TCERG1L: variants seen among roughly 807,000 people sequenced by gnomAD.
TCERG1L encodes transcription elongation regulator 1 like.
TCERG1L carries 37 observed loss-of-function variants against 56.3 expected under a neutral mutation model. The observed-to-expected ratio is 0.66, with a 90% CI of 0.51 to 0.87. The LOEUF (loss-of-function observed/expected upper bound fraction) is 0.87, where lower values mean the gene tolerates loss of function less well. Among genes scored for constraint, TCERG1L ranks in the 40% least tolerant of loss-of-function variants. The pLI, the probability that TCERG1L is intolerant of heterozygous loss-of-function variation, is 0.00. For missense variants in TCERG1L, 799 were observed against 774.2 expected (o/e 1.03, Z -0.38); for synonymous variants, 324 against 326.3 (o/e 0.99, Z 0.08).
intron 4 of TCERG1L, among the ~76,000 whole-genome samples, chr10:131,183,186 T>G (rs1736420969): frequency 6.6e-6 from 1 of 152,206 alleles, no homozygotes; most frequent in Non-Finnish European, 1.5e-5. Flanking sequence ...CTATGTTCTA[T>G]TTGGCACTAC....
Position 131,254,302 on chromosome 10 carries a change from A to AATATATATATATATATATATATATATAT in TCERG1L, c.856+5956_856+5957insATATATATATATATATATATATATATAT, listed in dbSNP as rs57689050. 2.6e-3 allele frequency among the ~76,000 whole-genome samples: 375 copies of AATATATATATATATATATATATATATAT among 142,490 alleles called. 2 individuals carry two copies. Among genetic ancestry groups the AATATATATATATATATATATATATATAT allele is most frequent in the African/African-American group, 8.7e-3 (324 of 37,454 alleles). 93.5% of individuals were successfully genotyped at this position (142,490 alleles called of 152,430 possible). On this transcript the variant is annotated intron_variant, in intron 4 of 11. Coordinates refer to ENST00000368642, the MANE Select transcript of TCERG1L (RefSeq NM_174937.4). ...CCAGAGCAGGCAATCACTGGATTTA[A>AATATATATATATATATATATATATATAT]ATATATATATATATATATAGTAAGT... is the stretch of plus-strand genomic sequence containing the variant.
At chr10:131,283,872 C>T (rs1447574385) in intron 3 of TCERG1L, among the ~76,000 whole-genome samples, 2 of 152,070 alleles carry the variant, frequency 1.3e-5, no homozygotes, top group Admixed American at 6.6e-5. Flanking sequence ...CAGTGGCTCC[C>T]ATCACTTTGT....
At chr10:131,230,111 A>G (rs1845833015) in intron 4 of TCERG1L, among the ~76,000 whole-genome samples, 1 of 152,206 alleles carries the variant, frequency 6.6e-6, no homozygotes, top group African/African-American at 2.4e-5. Flanking sequence ...TTTCCCCTGC[A>G]GCCTCCCAGA....
chr10:131,174,779 C>T (rs894683892), intron 4 of TCERG1L, among the ~76,000 whole-genome samples: 4 of 152,152 alleles, frequency 2.6e-5, no homozygotes, highest in Admixed American at 2.6e-4. Context: ...AGAACCAGAG[C>T]GTGGCTTCCT....
chr10:131,306,977 T>C (rs189665549), intron 3 of TCERG1L, among the ~76,000 whole-genome samples: 2 of 152,094 alleles, frequency 1.3e-5, no homozygotes, highest in African/African-American at 4.8e-5. Flanking sequence ...GATTTCACCA[T>C]TTTTTAAACT....
At chr10:131,271,324 G>A (rs570153301) in intron 3 of TCERG1L, among the ~76,000 whole-genome samples, 7 of 152,348 alleles carry the variant, frequency 4.6e-5, no homozygotes, top group South Asian at 2.1e-4. Flanking sequence ...ACACCCACAC[G>A]CAGCTGGGCG....
At chr10:131,236,850 T>C (rs1260174700) in intron 4 of TCERG1L, among the ~76,000 whole-genome samples, 1 of 151,912 alleles carries the variant, frequency 6.6e-6, no homozygotes, top group African/African-American at 2.4e-5. Context: ...TCTAGGTGCT[T>C]TCTGAGAATG....
rs1846903775 is a variant in TCERG1L, at chr10:131,311,669, CG to C, written c.-35del. 2 of 1,061,706 alleles carry C rather than the reference CG, an allele frequency of 1.9e-6. No individual in the cohort carries two copies. Among genetic ancestry groups the C allele is most frequent in the African/African-American group, 3.4e-5 (2 of 58,928 alleles). 65.8% of individuals were successfully genotyped at this position (1,061,706 alleles called of 1,614,324 possible). ...CCCGCGCTGACGGCGGCGGCGGGGG[CG>C]GCGGGCGCCCGAGATGCTGGGCCGG... On this transcript the variant is annotated 5_prime_UTR_variant, in exon 1 of 12. Coordinates refer to ENST00000368642, the MANE Select transcript of TCERG1L (RefSeq NM_174937.4). The surrounding 1 kb of genome is among the most constrained non-coding windows in gnomAD (Gnocchi z 4.0).
intron 9 of TCERG1L, among the ~76,000 whole-genome samples, chr10:131,105,947 T>C (rs1454140526): frequency 6.6e-6 from 1 of 152,176 alleles, no homozygotes; most frequent in African/African-American, 2.4e-5. Context: ...GGCATCTCCT[T>C]AATTTCTGCT....
At chr10:131,295,161 T>C (rs771430024) in intron 3 of TCERG1L, among the ~76,000 whole-genome samples, 1 of 152,248 alleles carries the variant, frequency 6.6e-6, no homozygotes, top group Non-Finnish European at 1.5e-5. Context: ...AAGAAGTGTG[T>C]TCCTTGTTAT....
intron 4 of TCERG1L, among the ~76,000 whole-genome samples, chr10:131,180,732 A>G (rs1238050590): frequency 6.6e-6 from 1 of 152,194 alleles, no homozygotes; most frequent in Admixed American, 6.5e-5. Flanking sequence ...ACCTCAAAAT[A>G]CCTTTTAATA....
At chr10:131,158,285 C>T (rs1015159525) in intron 6 of TCERG1L, among the ~76,000 whole-genome samples, 2 of 152,174 alleles carry the variant, frequency 1.3e-5, no homozygotes, top group African/African-American at 4.8e-5. Context: ...TTCCCAAGAG[C>T]AGGTGCATAT....
Position 131,308,266 on chromosome 10 carries a change from C to A in TCERG1L, c.615G>T (p.Pro205=). ...ANQVAVSLSR[P]APASRPLPTV... is the part of the protein sequence containing the mutation. ...TGGGGAGCGGCCTGGAGGCAGGAGC[C>A]GGCCTGGACAGAGACACAGCTACTT... The change falls in exon 3 of 12, where the codon CCG becomes CCT. Residue 205 remains proline, a synonymous_variant. Coordinates refer to ENST00000368642, the MANE Select transcript of TCERG1L (RefSeq NM_174937.4). 6.2e-7 allele frequency: 1 copy of A among 1,613,858 alleles called. No individual in the cohort carries two copies. Among genetic ancestry groups the A allele is most frequent in the Non-Finnish European group, 8.5e-7 (1 of 1,179,858 alleles).
chr10:131,256,804 A>T lies in TCERG1L; in HGVS notation c.856+3455T>A, dbSNP rs145485320. On this transcript the variant is annotated intron_variant, in intron 4 of 11. Coordinates refer to ENST00000368642, the MANE Select transcript of TCERG1L (RefSeq NM_174937.4). ...GAGACTGAGGCAGGAGAATCACTTG[A>T]ACCCAGGAGGCAGAGGTTGCAATGA... is the stretch of plus-strand genomic sequence containing the variant. Among the ~76,000 whole-genome samples the T allele has an allele frequency of 9.9e-5, 15 of 151,774 alleles. No individual in the cohort carries two copies. The East Asian group carries it at 2.9e-3, about 30-fold the overall frequency.
intron 4 of TCERG1L, among the ~76,000 whole-genome samples, chr10:131,206,432 A>T (rs2944485): frequency 2.0e-5 from 3 of 152,026 alleles, no homozygotes; most frequent in Admixed American, 6.5e-5. Flanking sequence ...GCCTCACCTG[A>T]GCCTTCCTGG....
At chr10:131,204,945 G>A (rs1206553543) in intron 4 of TCERG1L, among the ~76,000 whole-genome samples, 4 of 152,194 alleles carry the variant, frequency 2.6e-5, no homozygotes, top group Non-Finnish European at 1.5e-5. Flanking sequence ...TGGGGTCAGG[G>A]CTCACGTGCT....
At chr10:131,201,959 C>T (rs570385877) in intron 4 of TCERG1L, among the ~76,000 whole-genome samples, 6 of 152,206 alleles carry the variant, frequency 3.9e-5, no homozygotes, top group Non-Finnish European at 7.3e-5. Flanking sequence ...CCCAGGGCCA[C>T]GTGGGGGTCA....
At position 131,260,251 on chromosome 10, in the gene TCERG1L, G is replaced by A. The variant is rs114865868; in HGVS notation, c.856+8C>T. ...GCACCAGGCGTCGGGACGGCGCTCC[G>A]AGCCTACCTGAGACGGGGGACGTCC... On this transcript the variant is annotated splice_region_variant and intron_variant, in intron 4 of 11. Coordinates refer to ENST00000368642, the MANE Select transcript of TCERG1L (RefSeq NM_174937.4). This position sits in a 1 kb window ranked among gnomAD's most constrained non-coding sequence, Gnocchi z 5.8. The A allele has an allele frequency of 4.7e-4, 640 of 1,355,150 alleles. 6 individuals are homozygous for A. In the African/African-American group the frequency reaches 7.1e-3, roughly 15 times the overall value. The allele number at this position is 1,355,150 out of a possible 1,614,324, so 83.9% of individuals were successfully genotyped here.
chr10:131,092,914 T>G lies in TCERG1L; in HGVS notation c.*248A>C. 1 of 406,188 alleles carries G rather than the reference T, an allele frequency of 2.5e-6. No individual in the cohort carries two copies. The highest frequency in any genetic ancestry group is 4.4e-6 in the Non-Finnish European group (1 of 228,734). The allele number at this position is 406,188 out of a possible 1,614,324, so 25.2% of individuals were successfully genotyped here. ...TAATTTGTGTATATTACAAGTAATT[T>G]GCATAATTAAAACAATTAAGGGATC... On this transcript the variant is annotated 3_prime_UTR_variant, in exon 12 of 12. Coordinates refer to ENST00000368642, the MANE Select transcript of TCERG1L (RefSeq NM_174937.4).
Sources: allele counts gnomAD v4.1 joint callset (sites outside exome capture counted in the v4.1 genomes callset), GRCh38; gene constraint gnomAD v4.1.1; non-coding constraint Gnocchi (gnomAD v3.1); transcripts MANE v1.5; gene names NCBI Gene and HGNC (gene_info 2026-07-23, HGNC 2026-07-21).